The following RBM33 variants were observed in gnomAD, a reference collection of about 807,000 sequenced individuals.
The protein encoded by RBM33 is RNA binding motif protein 33.
Under a neutral mutation model 132.6 loss-of-function variants are expected in RBM33, and 28 were observed. The observed-to-expected ratio is 0.21, with a 90% confidence interval of 0.16 to 0.29. The LOEUF (loss-of-function observed/expected upper bound fraction) is 0.29. Among genes scored for constraint, RBM33 ranks in the 10% least tolerant of loss-of-function variants. The pLI is 1.00. For synonymous variants in RBM33, 634 were observed against 593.0 expected (o/e 1.07, Z -1.01); for missense variants, 1,291 against 1,518.5 (o/e 0.85, Z 2.49).
intron 16 of RBM33, among the ~76,000 whole-genome samples, chr7:155,770,416 TA>T (rs1248260155): frequency 1.3e-5 from 2 of 152,176 alleles, no homozygotes; most frequent in Non-Finnish European, 2.9e-5. Context: ...CAGAAATGCT[TA>T]GCAGGCTCAC....
At chr7:155,752,973 T>G (rs917401560) in intron 14 of RBM33, among the ~76,000 whole-genome samples, 2 of 152,180 alleles carry the variant, frequency 1.3e-5, no homozygotes, top group African/African-American at 4.8e-5. Flanking sequence ...TTTGGTCTTT[T>G]TTTGTGTGTC....
intron 9 of RBM33, among the ~76,000 whole-genome samples, chr7:155,719,949 G>A (rs1345640483): frequency 6.6e-6 from 1 of 152,074 alleles, no homozygotes; most frequent in East Asian, 1.9e-4. Flanking sequence ...TCATTTTTCA[G>A]TTGTGCAAGT....
chr7:155,737,803 C>A (rs2249328), intron 10 of RBM33, 141 bp downstream of exon 10: 199,390 of 1,003,646 alleles, frequency 0.2, 21,816 homozygotes, highest in African/African-American at 0.32. Context: ...AGCAGTTCTG[C>A]CTGTCATTTC....
At chr7:155,712,560 G>A (rs1446263482) in intron 8 of RBM33, among the ~76,000 whole-genome samples, 1 of 152,214 alleles carries the variant, frequency 6.6e-6, no homozygotes, top group African/African-American at 2.4e-5. Flanking sequence ...GGGATGGGTT[G>A]TATCTTAAAT....
chr7:155,737,550 G>A lies in RBM33; in HGVS notation c.1281G>A (p.Gln427=). Residue 427 remains glutamine, a synonymous_variant, in exon 10 of 18, where the codon CAG becomes CAA. Transcript: ENST00000401878. ...TTTAGGGCCCTCCAGAATTTCCACA[G>A]CATACACCTGGACCTGTTCCCAACA... The part of the protein sequence containing the change: ...QRFPGPPEFP[Q]HTPGPVPNSF... 6.2e-7 allele frequency: 1 copy of A among 1,610,990 alleles called. No homozygotes were observed. The highest frequency in any genetic ancestry group is 2.2e-5 in the East Asian group (1 of 44,676).
chr7:155,693,418 T>G (rs1310885887), intron 5 of RBM33, among the ~76,000 whole-genome samples: 5 of 152,030 alleles, frequency 3.3e-5, no homozygotes, highest in Non-Finnish European at 1.5e-5. Context: ...TAGCAGAAAG[T>G]AAGAGCTCAT....
intron 2 of RBM33, among the ~76,000 whole-genome samples, chr7:155,672,090 G>A (rs535058006): frequency 6.6e-5 from 10 of 151,514 alleles, no homozygotes; most frequent in South Asian, 2.1e-4. Flanking sequence ...GTTCTCGTTC[G>A]TTTTTAAAAT....
At chr7:155,715,788 C>T (rs1268919904) in intron 8 of RBM33, among the ~76,000 whole-genome samples, 1 of 152,174 alleles carries the variant, frequency 6.6e-6, no homozygotes, top group Non-Finnish European at 1.5e-5. Flanking sequence ...TGCACAGTTC[C>T]TCTTGAGAGA....
At chr7:155,730,784 A>G (rs1393181639) in intron 9 of RBM33, among the ~76,000 whole-genome samples, 2 of 152,250 alleles carry the variant, frequency 1.3e-5, no homozygotes, top group African/African-American at 4.8e-5. Context: ...GTTACGTACC[A>G]GTAACATTCA....
At chr7:155,744,912 G>A (rs1801462273) in intron 13 of RBM33, 49 bp from the exon 14 acceptor site, 1 of 1,485,674 alleles carries the variant, frequency 6.7e-7, no homozygotes, top group African/African-American at 1.4e-5. Context: ...ATAGACTATG[G>A]GCACCTTGCC....
In RBM33 at chr7:155,673,944, T is replaced by TTTTTG. The variant is rs1563138311; in HGVS notation, c.171+1033_171+1034insGTTTT. ...TATCAAGATAGTTTAGGCTTAGTTT[T>TTTTTG]TTTTTTTTTTTTTTTTTTTTTTTTT... On this transcript the variant is annotated intron_variant, in intron 3 of 17. Coordinates refer to ENST00000401878, the MANE Select transcript of RBM33 (RefSeq NM_053043.3). 2.0e-3 allele frequency among the ~76,000 whole-genome samples: 176 copies of TTTTTG among 86,464 alleles called. 20 individuals carry two copies. Among genetic ancestry groups the TTTTTG allele is most frequent in the African/African-American group, 7.5e-3 (165 of 22,108 alleles). The allele number at this position is 86,464 out of a possible 152,430, so 56.7% of individuals were successfully genotyped here. A position where few individuals can be genotyped will look rare whatever the true frequency, so the allele number is the denominator to read the frequency against.
chr7:155,665,865 G>T lies in RBM33; in HGVS notation c.122+612G>T, dbSNP rs1406813249. ...AAATACACAGTGGGGCTTAATCTGG[G>T]TGGTGGGGCTGAGAAATGATGGTTA... On this transcript the variant is annotated intron_variant, in intron 2 of 17. Coordinates refer to ENST00000401878, the MANE Select transcript of RBM33 (RefSeq NM_053043.3). Among the ~76,000 whole-genome samples, 9 of 152,184 alleles carry T rather than the reference G, an allele frequency of 5.9e-5. No individual in the cohort carries two copies. In the East Asian group the frequency reaches 1.7e-3, roughly 29 times the overall value.
chr7:155,775,255 A>C lies in RBM33; in HGVS notation c.*214A>C, dbSNP rs1802568274. The C allele has an allele frequency of 1.5e-6, 1 of 663,212 alleles. No homozygotes were observed. Among genetic ancestry groups the C allele is most frequent in the East Asian group, 2.7e-5 (1 of 36,462 alleles). The allele number at this position is 663,212 out of a possible 1,614,324, so 41.1% of individuals were successfully genotyped here. A position where few individuals can be genotyped will look rare whatever the true frequency, so the allele number is the denominator to read the frequency against. On this transcript the variant is annotated 3_prime_UTR_variant, in exon 18 of 18. Transcript: ENST00000401878. ...GCTGGAGTTGGTGTTAGATTGCTTC[A>C]CATTCTCTTGTCACCACCAAGAACT...
rs765039060 is a variant in RBM33, at chr7:155,711,223, G to GCCT, written c.971_972insTCC (p.Pro327dup). The stretch of plus-strand genomic sequence containing the variant: ...CACAGCCCCAGGCTCCCCCTCCACC[G>GCCT]CCACCGCCGCCTCAGCAGCAGCCGA... On this transcript the variant is annotated inframe_insertion, in exon 8 of 18. Coordinates refer to ENST00000401878, the MANE Select transcript of RBM33 (RefSeq NM_053043.3). 10 of 1,570,554 alleles carry GCCT rather than the reference G, an allele frequency of 6.4e-6. No homozygotes were observed. Among genetic ancestry groups the GCCT allele is most frequent in the Non-Finnish European group, 7.8e-6 (9 of 1,158,594 alleles).
intron 1 of RBM33, among the ~76,000 whole-genome samples, chr7:155,655,810 A>G (rs925003363): frequency 5.3e-5 from 8 of 152,152 alleles, no homozygotes; most frequent in African/African-American, 1.7e-4. Flanking sequence ...GTTCTCAGCT[A>G]CTTGGAGGCT....
rs1306774683 is a variant in RBM33 at position 155,780,019 on chromosome 7, GCAGA to G, written c.*4982_*4985del. The G allele has an allele frequency of 1.3e-5, 2 of 152,184 alleles. No homozygotes were observed. The highest frequency in any genetic ancestry group is 6.5e-5 in the Admixed American group (1 of 15,278). The allele number at this position is 152,184 out of a possible 1,614,324, so 9.4% of individuals were successfully genotyped here. The stretch of plus-strand genomic sequence containing the variant: ...TTAATATGTTCCATAGAGTGGATAG[GCAGA>G]CAGGTACTATTGTAATGTATTCTGT... On this transcript the variant is annotated 3_prime_UTR_variant, in exon 18 of 18. Transcript: ENST00000401878.
intron 14 of RBM33, among the ~76,000 whole-genome samples, chr7:155,760,681 T>C (rs1802005362): frequency 6.6e-6 from 1 of 152,210 alleles, no homozygotes; most frequent in Admixed American, 6.5e-5. Context: ...TATTTTTAAA[T>C]TTTAAAACTT....
At chr7:155,702,412 C>T (rs1187380224) in intron 6 of RBM33, among the ~76,000 whole-genome samples, 3 of 152,122 alleles carry the variant, frequency 2.0e-5, no homozygotes, top group Admixed American at 6.5e-5. Flanking sequence ...CAAGATTTCC[C>T]TAGACTTTTT....
chr7:155,780,541 T>C lies in RBM33; in HGVS notation c.*5500T>C, dbSNP rs1802781762. The C allele has an allele frequency of 6.6e-6, 1 of 152,404 alleles. No individual in the cohort carries two copies. The highest frequency in any genetic ancestry group is 2.4e-5 in the African/African-American group (1 of 41,438). The allele number at this position is 152,404 out of a possible 1,614,324, so 9.4% of individuals were successfully genotyped here. A position where few individuals can be genotyped will look rare whatever the true frequency, so the allele number is the denominator to read the frequency against. On this transcript the variant is annotated 3_prime_UTR_variant, in exon 18 of 18. Transcript: ENST00000401878. ...GCTCTGGGCTCTCCCTCTCTGTCCA[T>C]TTCTGTTTTGCTTTCCTGGCTAAAC...
Sources: gnomAD v4.1 joint callset for allele counts (sites outside exome capture counted in the v4.1 genomes callset) on GRCh38, gnomAD v4.1.1 for gene constraint, MANE v1.5 for transcripts, NCBI Gene and HGNC (gene_info 2026-07-23, HGNC 2026-07-21) for gene names.